DUSP16: variants seen among roughly 807,000 people sequenced by gnomAD.
DUSP16 encodes the protein dual specificity phosphatase 16.
DUSP16 carries 21 observed loss-of-function variants against 58.3 expected under a neutral mutation model. The observed-to-expected ratio is 0.36, with a 90% CI of 0.26 to 0.52. The LOEUF (loss-of-function observed/expected upper bound fraction) is 0.52. DUSP16 is among the 20% of genes least tolerant of loss of function. The pLI, the probability that DUSP16 is intolerant of heterozygous loss-of-function variation, is 0.94. For synonymous variants in DUSP16, 320 were observed against 323.8 expected, an observed-to-expected ratio of 0.99 and a Z score of 0.12; for missense variants, 726 against 819.0, an observed-to-expected ratio of 0.89 and a Z score of 1.39.
intron 1 of DUSP16, among the ~76,000 whole-genome samples, chr12:12,531,686 C>T (rs1944387308): frequency 6.6e-6 from 1 of 152,024 alleles, no homozygotes; most frequent in African/African-American, 2.4e-5. Context: ...GTCTGGCCAA[C>T]AGGGCGAAAC....
At chr12:12,526,723 C>G (rs1944313031) in intron 1 of DUSP16, among the ~76,000 whole-genome samples, 1 of 152,154 alleles carries the variant, frequency 6.6e-6, no homozygotes, top group African/African-American at 2.4e-5. Flanking sequence ...TCTTCAACTT[C>G]CCAAACATGA....
intron 1 of DUSP16, among the ~76,000 whole-genome samples, chr12:12,534,874 G>C (rs1213937989): frequency 6.6e-6 from 1 of 152,110 alleles, no homozygotes; most frequent in Non-Finnish European, 1.5e-5. Flanking sequence ...TTCACACATG[G>C]TTGGTTATAC....
chr12:12,529,636 G>A (rs1944357394), intron 1 of DUSP16, among the ~76,000 whole-genome samples: 1 of 152,082 alleles, frequency 6.6e-6, no homozygotes, highest in Non-Finnish European at 1.5e-5. Context: ...ATCCTTGAAC[G>A]TATTTCTCCT....
At chr12:12,556,162 T>C (rs930173815) in intron 1 of DUSP16, among the ~76,000 whole-genome samples, 3 of 152,256 alleles carry the variant, frequency 2.0e-5, no homozygotes, top group African/African-American at 7.2e-5. Context: ...ATTTTGTAGA[T>C]GAAAATTGGT....
intron 4 of DUSP16, among the ~76,000 whole-genome samples, chr12:12,492,507 T>G (rs1010018077): frequency 3.3e-5 from 5 of 152,288 alleles, no homozygotes; most frequent in African/African-American, 1.2e-4. Context: ...CATAGCTTTG[T>G]GATTCTCCTT....
At chr12:12,496,335 G>A (rs1192779423) in intron 4 of DUSP16, among the ~76,000 whole-genome samples, 2 of 152,192 alleles carry the variant, frequency 1.3e-5, no homozygotes, top group Non-Finnish European at 2.9e-5. Context: ...CCTATATTGT[G>A]TTTAGGCTAT....
chr12:12,534,416 G>A (rs1045346042), intron 1 of DUSP16, among the ~76,000 whole-genome samples: 52 of 152,302 alleles, frequency 3.4e-4, no homozygotes, highest in Admixed American at 3.0e-3. Context: ...AAAGGCTAGC[G>A]GAGTAGCCCC....
intron 1 of DUSP16, among the ~76,000 whole-genome samples, chr12:12,539,443 T>TA (rs1944518136): frequency 6.6e-6 from 1 of 152,154 alleles, no homozygotes; most frequent in Admixed American, 6.5e-5. Flanking sequence ...TCTTTCTTCT[T>TA]AAAAATCTAC....
At chr12:12,494,200 G>A (rs1373246101) in intron 4 of DUSP16, among the ~76,000 whole-genome samples, 1 of 152,074 alleles carries the variant, frequency 6.6e-6, no homozygotes, top group Non-Finnish European at 1.5e-5. Flanking sequence ...ATTTAAAAAA[G>A]ACTGTTTTTC....
chr12:12,545,804 G>A (rs941724350), intron 1 of DUSP16, among the ~76,000 whole-genome samples: 2 of 152,070 alleles, frequency 1.3e-5, no homozygotes, highest in East Asian at 3.8e-4. Flanking sequence ...GATAAATAAA[G>A]TCTAACGATA....
intron 1 of DUSP16, among the ~76,000 whole-genome samples, chr12:12,557,238 G>A (rs1045806909): frequency 6.6e-6 from 1 of 151,968 alleles, no homozygotes; most frequent in South Asian, 2.1e-4. Flanking sequence ...GGTGGAACAC[G>A]AGGTCAGGAG....
chr12:12,524,360 TTC>T, intron 1 of DUSP16, among the ~76,000 whole-genome samples: 1 of 152,226 alleles, frequency 6.6e-6, no homozygotes, highest in Non-Finnish European at 1.5e-5. Context: ...CTGGTAGGAC[TTC>T]ATGCCCAAGG....
intron 4 of DUSP16, among the ~76,000 whole-genome samples, chr12:12,488,979 T>C (rs11054929): frequency 0.072 from 10,908 of 152,000 alleles, 831 homozygotes; most frequent in East Asian, 0.39. Context: ...CTCGGGAAAG[T>C]TGAGGCAGAA....
intron 1 of DUSP16, chr12:12,560,692 G>A (rs1168550718): frequency 2.6e-5 from 4 of 152,122 alleles, no homozygotes; most frequent in Admixed American, 6.5e-5. Flanking sequence ...CAATATATGT[G>A]ATACTCAAGG....
chr12:12,507,664 C>A (rs557573552), intron 3 of DUSP16, among the ~76,000 whole-genome samples: 1 of 152,322 alleles, frequency 6.6e-6, no homozygotes, highest in East Asian at 1.9e-4. Flanking sequence ...GGCTGGAGTG[C>A]AATGGTGCGA....
chr12:12,516,053 G>A (rs1182594273), intron 3 of DUSP16, among the ~76,000 whole-genome samples: 2 of 152,012 alleles, frequency 1.3e-5, no homozygotes, highest in Non-Finnish European at 2.9e-5. Context: ...TGGGATTACA[G>A]GTGTAAGTCA....
chr12:12,543,671 T>C (rs994169987), intron 1 of DUSP16, among the ~76,000 whole-genome samples: 4 of 152,032 alleles, frequency 2.6e-5, no homozygotes, highest in Non-Finnish European at 5.9e-5. Context: ...CATATGGACA[T>C]GTAAAAAGAA....
At chr12:12,512,630 T>G (rs1180378072) in intron 3 of DUSP16, among the ~76,000 whole-genome samples, 2 of 152,218 alleles carry the variant, frequency 1.3e-5, no homozygotes, top group African/African-American at 4.8e-5. Context: ...TTCACCCATA[T>G]TGTTGCAAAA....
At chr12:12,548,514 C>T (rs1320447830) in intron 1 of DUSP16, among the ~76,000 whole-genome samples, 3 of 151,576 alleles carry the variant, frequency 2.0e-5, no homozygotes, top group Non-Finnish European at 2.9e-5. Flanking sequence ...TGCCTGTAAT[C>T]CCAGCTACTC....
Sources: allele counts gnomAD v4.1 joint callset (sites outside exome capture counted in the v4.1 genomes callset), GRCh38; gene constraint gnomAD v4.1.1; transcripts MANE v1.5; gene names NCBI Gene and HGNC (gene_info 2026-07-23, HGNC 2026-07-21).